The following MED23 variants were observed in gnomAD, a reference collection of about 807,000 sequenced individuals.
The protein encoded by MED23 is mediator complex subunit 23.
Under a neutral mutation model 163.9 loss-of-function variants are expected in MED23, and 105 were observed. The observed-to-expected ratio is 0.64, with a 90% confidence interval of 0.55 to 0.75. MED23 has a LOEUF of 0.75. Among genes scored for constraint, MED23 ranks in the 30% least tolerant of loss-of-function variants. The pLI is 0.00. For synonymous variants in MED23, 561 were observed against 565.6 expected, an observed-to-expected ratio of 0.99 and a Z score of 0.12; for missense variants, 1,054 against 1,649.0, an observed-to-expected ratio of 0.64 and a Z score of 6.25.
At chr6:131,617,537 G>C (rs762543540) in intron 9 of MED23, among the ~76,000 whole-genome samples, 1 of 149,738 alleles carries the variant, frequency 6.7e-6, no homozygotes, top group Non-Finnish European at 1.5e-5. Flanking sequence ...CTACCAGAAT[G>C]TCTTTGTTTA....
rs143184324 is a variant in MED23 at position 131,602,279 on chromosome 6, T to C, written c.2034A>G (p.Ala678=). The change falls in exon 17 of 29, where the codon GCA becomes GCG. Residue 678 remains alanine, a synonymous_variant. Transcript: ENST00000368068. The part of the protein sequence containing the change: ...FLSDPKTVLS[A]ESEELNRALI... ...AGGCTCGGTTCAGTTCTTCAGATTC[T>C]GCTGAGAGCACTGTTTTGGGATCAC... 9.4e-5 allele frequency: 152 copies of C among 1,614,018 alleles called. No individual in the cohort carries two copies. In the African/African-American group the frequency reaches 1.8e-3, roughly 19 times the overall value.
chr6:131,575,819 C>G (rs1345223942), intron 30 of MED23, among the ~76,000 whole-genome samples: 2 of 152,164 alleles, frequency 1.3e-5, no homozygotes, highest in Non-Finnish European at 2.9e-5. Flanking sequence ...TCCCTAATGT[C>G]AAAACGGCAA....
intron 30 of MED23, among the ~76,000 whole-genome samples, chr6:131,574,593 A>G (rs1307822719): frequency 6.6e-6 from 1 of 152,206 alleles, no homozygotes; most frequent in Non-Finnish European, 1.5e-5. Flanking sequence ...TCATGATTGT[A>G]AGGACTAAGA....
chr6:131,604,245 T>C lies in MED23; in HGVS notation c.1689A>G (p.Leu563=). 1.9e-6 allele frequency: 3 copies of C among 1,613,906 alleles called. No individual in the cohort carries two copies. The highest frequency in any genetic ancestry group is 2.5e-6 in the Non-Finnish European group (3 of 1,179,824). ...AKSSVALAPA[L]VETYSRLLVY... is the part of the protein sequence containing the mutation. ...CCAATAAACGACTGTAAGTTTCCAC[T>C]AGGGCTGGAGCCAAGGCCACACTGG... The change falls in exon 15 of 29, where the codon CTA becomes CTG. Residue 563 remains leucine (L), a synonymous_variant. Transcript: ENST00000368068.
At position 131,574,026 on chromosome 6, in the gene MED23, G is replaced by A. The variant is rs761464469; in HGVS notation, c.*267C>T. ...AACCCCCAGATTTCCTTACAGCCACGAGCTGTGAATCCACACATGCCAGCA... is the reference window on the plus strand; with the variant it reads ...AACCCCCAGATTTCCTTACAGCCACAAGCTGTGAATCCACACATGCCAGCA... On this transcript the variant is annotated 3_prime_UTR_variant, in exon 31 of 31. Transcript: ENST00000354577. 2.5e-5 allele frequency: 13 copies of A among 509,866 alleles called. No homozygotes were observed. The Middle Eastern group carries it at 2.1e-3, about 83-fold the overall frequency. 31.6% of individuals were successfully genotyped at this position (509,866 alleles called of 1,614,324 possible). A position where few individuals can be genotyped will look rare whatever the true frequency, so the allele number is the denominator to read the frequency against.
chr6:131,594,682 C>T (rs964818189), intron 22 of MED23, among the ~76,000 whole-genome samples: 1 of 152,096 alleles, frequency 6.6e-6, no homozygotes, highest in African/African-American at 2.4e-5. Context: ...CCTAAAAGGT[C>T]AAAAACAGGG....
chr6:131,616,016 A>C lies in MED23; in HGVS notation c.781-14T>G, dbSNP rs1776663171. The C allele has an allele frequency of 6.3e-7, 1 of 1,586,918 alleles. No individual in the cohort carries two copies. The highest frequency in any genetic ancestry group is 2.2e-5 in the East Asian group (1 of 44,690). On this transcript the variant is annotated splice_polypyrimidine_tract_variant and intron_variant, in intron 9 of 28. Coordinates refer to ENST00000368068, the MANE Select transcript of MED23 (RefSeq NM_004830.4). ...TTCAAACAGATCCTTTAAAGAAAAT[A>C]AGAAAATCATTGCTTCAAGATCAAT...
downstream of MED23, among the ~76,000 whole-genome samples, chr6:131,581,743 T>C (rs917379354): frequency 1.3e-5 from 2 of 152,196 alleles, no homozygotes; most frequent in African/African-American, 4.8e-5. Flanking sequence ...TCCTTCCTCT[T>C]TCCACTACAT....
At chr6:131,576,520 A>C (rs138457449) in intron 30 of MED23, 1 of 756,112 alleles carries the variant, frequency 1.3e-6, no homozygotes, top group African/African-American at 1.7e-5. Context: ...GAAGATTAAA[A>C]GAGATGATGT....
At chr6:131,583,292 TTATTATCTA>T (rs545842084), downstream of MED23, 195 of 1,610,864 alleles carry the variant, frequency 1.2e-4, no homozygotes, top group African/African-American at 2.3e-3. Flanking sequence ...AGTTAACAGA[TTATTATCTA>T]TGAAATGTGA....
At chr6:131,606,711 A>G (rs1414883617) in intron 12 of MED23, 87 bp from the exon 13 acceptor site, 3 of 1,178,846 alleles carry the variant, frequency 2.5e-6, no homozygotes, top group Non-Finnish European at 3.7e-6. Flanking sequence ...AATTTCTAAT[A>G]TAACTCTTTT....
chr6:131,608,184 T>C, intron 11 of MED23, 113 bp from the exon 12 acceptor site: 2 of 1,193,160 alleles, frequency 1.7e-6, no homozygotes, highest in Non-Finnish European at 2.4e-6. Context: ...GTTCTTGCTC[T>C]GAGAAAGTCA....
intron 11 of MED23, among the ~76,000 whole-genome samples, chr6:131,609,601 G>A (rs1776119892): frequency 6.8e-6 from 1 of 146,096 alleles, no homozygotes; most frequent in African/African-American, 2.5e-5. Flanking sequence ...CAACCTTAGG[G>A]ACTATTACCT....
intron 25 of MED23, 128 bp from the exon 26 acceptor site, chr6:131,591,655 G>T: frequency 1.3e-6 from 1 of 756,568 alleles, no homozygotes; most frequent in Non-Finnish European, 2.2e-6. Context: ...AATACAGCTG[G>T]GTGGCTTTGT....
At chr6:131,604,411 T>G in intron 14 of MED23, 91 bp from the exon 15 acceptor site, 7 of 1,329,592 alleles carry the variant, frequency 5.3e-6, no homozygotes, top group Non-Finnish European at 7.4e-6. Context: ...AGTATAAATC[T>G]GAACTTAAAT....
Position 131,598,444 on chromosome 6 carries a change from C to G in MED23, c.2450G>C (p.Arg817Thr). ...TGTCCTCACATGGGCTACCAAGGCC[C>G]TGGCTCCAATTCTCTCTAATACTCT... Reference protein sequence around the residue: ...GYRVLERIGARALVAHVRTFA... With the variant: ...GYRVLERIGATALVAHVRTFA... Residue 817 changes from arginine to threonine, a missense_variant, in exon 20 of 29, where the codon AGG becomes ACG. This residue lies in a region of MED23 where 228 missense variants were observed against 461.3 expected (regional missense o/e 0.49). Coordinates refer to ENST00000368068, the MANE Select transcript of MED23 (RefSeq NM_004830.4). This position sits in a 1 kb window ranked among gnomAD's most constrained non-coding sequence, Gnocchi z 4.7. 6.2e-7 allele frequency: 1 copy of G among 1,614,150 alleles called. No homozygotes were observed. Among genetic ancestry groups the G allele is most frequent in the Non-Finnish European group, 8.5e-7 (1 of 1,180,028 alleles).
At chr6:131,583,462 T>C, downstream of MED23, 1 of 1,614,114 alleles carries the variant, frequency 6.2e-7, no homozygotes, top group Non-Finnish European at 8.5e-7. Flanking sequence ...AGAGAAGGTC[T>C]CTACATCACA....
chr6:131,625,008 ATT>A lies in MED23; in HGVS notation c.160-21_160-20del. The A allele has an allele frequency of 6.2e-7, 1 of 1,612,670 alleles. No homozygotes were observed. The highest frequency in any genetic ancestry group is 1.3e-5 in the African/African-American group (1 of 75,042). ...GAGACTCCTGGAAAATGAGAGAATG[ATT>A]TTACTTGGGGTCTAAAGTTACATTT... On this transcript the variant is annotated intron_variant, in intron 3 of 28. Coordinates refer to ENST00000368068, the MANE Select transcript of MED23 (RefSeq NM_004830.4).
At chr6:131,610,567 G>T (rs1335475934) in intron 10 of MED23, among the ~76,000 whole-genome samples, 1 of 152,108 alleles carries the variant, frequency 6.6e-6, no homozygotes, top group Non-Finnish European at 1.5e-5. Flanking sequence ...TTTGGAAAAA[G>T]ATAACATTTT....
Sources: gnomAD v4.1 joint callset for allele counts (sites outside exome capture counted in the v4.1 genomes callset) on GRCh38, gnomAD v4.1.1 for gene constraint, gnomAD v4.1.1 regional missense constraint, Gnocchi (gnomAD v3.1) non-coding constraint, MANE v1.5 for transcripts, NCBI Gene and HGNC (gene_info 2026-07-23, HGNC 2026-07-21) for gene names.